The following CSMD1 variants were observed in gnomAD, a reference collection of about 807,000 sequenced individuals.
CSMD1 encodes the protein CUB and Sushi multiple domains 1, also known as CUB and sushi domain-containing protein 1.
In CSMD1, 213 loss-of-function variants were observed where a neutral mutation model predicts 417.5. That is an observed-to-expected ratio of 0.51 (90% CI 0.46 to 0.57). The LOEUF (loss-of-function observed/expected upper bound fraction) is 0.57, where lower values mean the gene tolerates loss of function less well. CSMD1 is among the 20% of genes least tolerant of loss of function. CSMD1 has a pLI of 0.00. For missense variants in CSMD1, 6,923 were observed against 4,529.7 expected, an observed-to-expected ratio of 1.53 and a Z score of -15.17; for synonymous variants, 2,862 against 1,736.8, an observed-to-expected ratio of 1.65 and a Z score of -16.11.
intron 10 of CSMD1, among the ~76,000 whole-genome samples, chr8:3,555,846 G>C (rs962362364): frequency 3.9e-5 from 6 of 152,106 alleles, no homozygotes; most frequent in African/African-American, 1.4e-4. Context: ...GTTTTTCTAT[G>C]AAATATACAT....
rs770803264 is a variant in CSMD1 at position 4,359,949 on chromosome 8, G to C, written c.415+60004C>G. Among the ~76,000 whole-genome samples the C allele has an allele frequency of 1.1e-3, 165 of 152,274 alleles. 1 individual carries two copies. The highest frequency in any genetic ancestry group is 6.8e-3 in the Middle Eastern group (2 of 294). On this transcript the variant is annotated intron_variant, in intron 3 of 69. Transcript: ENST00000635120. ...TCAGTGAAAGAATGCTTCCCTACTG[G>C]AGATCTTCCACATGGTTAGGATGCT...
intron 1 of CSMD1, among the ~76,000 whole-genome samples, chr8:4,904,100 G>A (rs1805078290): frequency 6.6e-6 from 1 of 152,206 alleles, no homozygotes; most frequent in East Asian, 1.9e-4. Context: ...GATAGGATAG[G>A]CTCGAATTCC....
At chr8:3,636,860 G>C (rs181479707) in intron 7 of CSMD1, among the ~76,000 whole-genome samples, 2 of 152,176 alleles carry the variant, frequency 1.3e-5, no homozygotes, top group Non-Finnish European at 2.9e-5. Flanking sequence ...CAAGACTCAT[G>C]TTGAGATATA....
intron 5 of CSMD1, among the ~76,000 whole-genome samples, chr8:3,956,695 C>G (rs1363219836): frequency 6.6e-6 from 1 of 152,028 alleles, no homozygotes; most frequent in East Asian, 1.9e-4. Context: ...GTGGCAGAAC[C>G]TATATTTGAA....
intron 47 of CSMD1, among the ~76,000 whole-genome samples, chr8:3,091,874 A>G (rs1001395229): frequency 1.4e-4 from 21 of 152,238 alleles, no homozygotes; most frequent in African/African-American, 4.8e-4. Flanking sequence ...TTTCAGGTGC[A>G]TATGCTATTA....
At chr8:4,239,931 C>G (rs1007764541) in intron 3 of CSMD1, among the ~76,000 whole-genome samples, 1 of 152,130 alleles carries the variant, frequency 6.6e-6, no homozygotes, top group Non-Finnish European at 1.5e-5. Context: ...ATTAGTAAGT[C>G]ATAACAAAAA....
At chr8:3,940,354 G>A (rs1311191601) in intron 5 of CSMD1, among the ~76,000 whole-genome samples, 2 of 151,954 alleles carry the variant, frequency 1.3e-5, no homozygotes, top group Non-Finnish European at 2.9e-5. Context: ...GTTAGCAATG[G>A]TGGGGGGAAA....
chr8:4,035,211 T>C (rs1256090353), intron 3 of CSMD1, among the ~76,000 whole-genome samples: 3 of 152,168 alleles, frequency 2.0e-5, no homozygotes, highest in Admixed American at 2.0e-4. Flanking sequence ...CCAGCTATGA[T>C]GCACGTGTCT....
intron 3 of CSMD1, among the ~76,000 whole-genome samples, chr8:4,285,610 C>T (rs920103345): frequency 3.3e-5 from 5 of 152,164 alleles, no homozygotes; most frequent in African/African-American, 1.2e-4. Flanking sequence ...ATTTGATTTC[C>T]TGAGCATTGC....
At chr8:4,056,927 G>T (rs991775711) in intron 3 of CSMD1, among the ~76,000 whole-genome samples, 18 of 152,096 alleles carry the variant, frequency 1.2e-4, no homozygotes, top group African/African-American at 3.9e-4. Context: ...TCTTAATCCA[G>T]TTTATCACTG....
At position 4,000,517 on chromosome 8, in the gene CSMD1, C is replaced by G. The variant is rs189953067; in HGVS notation, c.611-2407G>C. 3.3e-4 allele frequency among the ~76,000 whole-genome samples: 51 copies of G among 152,334 alleles called. No homozygotes were observed. In the Middle Eastern group the frequency reaches 0.017, roughly 51 times the overall value. ...TTGGGCAGAATTCAGCTCTAAGCCC[C>G]TTGTGTTGGGATAATGGTGAATCAG... On this transcript the variant is annotated intron_variant, in intron 4 of 69. Transcript: ENST00000635120.
At chr8:3,764,692 T>C (rs1359085771) in intron 5 of CSMD1, among the ~76,000 whole-genome samples, 1 of 151,820 alleles carries the variant, frequency 6.6e-6, no homozygotes, top group Non-Finnish European at 1.5e-5. Context: ...AGTAATCACC[T>C]GAAAATTCAT....
chr8:4,398,041 A>G (rs1448597090), intron 3 of CSMD1, among the ~76,000 whole-genome samples: 1 of 152,212 alleles, frequency 6.6e-6, no homozygotes, highest in Non-Finnish European at 1.5e-5. Context: ...CTAACTTGGT[A>G]TCTCTCTAGA....
intron 17 of CSMD1, among the ~76,000 whole-genome samples, chr8:3,389,248 C>T (rs1811201764): frequency 6.6e-6 from 1 of 152,186 alleles, no homozygotes; most frequent in Non-Finnish European, 1.5e-5. Context: ...AGTTGTTTTT[C>T]CCGATCCTCT....
intron 1 of CSMD1, among the ~76,000 whole-genome samples, chr8:4,779,548 A>G (rs1026391230): frequency 6.6e-6 from 1 of 152,204 alleles, no homozygotes; most frequent in Non-Finnish European, 1.5e-5. Flanking sequence ...AAGGGTTATA[A>G]ATGTCAAGAA....
At chr8:4,188,283 G>C (rs1231399262) in intron 3 of CSMD1, among the ~76,000 whole-genome samples, 1 of 152,166 alleles carries the variant, frequency 6.6e-6, no homozygotes, top group Non-Finnish European at 1.5e-5. Flanking sequence ...CTAGACGTCG[G>C]TCAATGTCCC....
intron 3 of CSMD1, among the ~76,000 whole-genome samples, chr8:4,291,486 C>A (rs1797361044): frequency 6.6e-6 from 1 of 152,032 alleles, no homozygotes; most frequent in Non-Finnish European, 1.5e-5. Flanking sequence ...TCTACTAATT[C>A]CCAGTGATTC....
chr8:4,076,159 C>T (rs1192287694), intron 3 of CSMD1, among the ~76,000 whole-genome samples: 1 of 152,178 alleles, frequency 6.6e-6, no homozygotes, highest in African/African-American at 2.4e-5. Context: ...CGTGTGGTTG[C>T]TCCATGGTGT....
intron 12 of CSMD1, among the ~76,000 whole-genome samples, chr8:3,433,461 T>G (rs941154007): frequency 2.0e-5 from 3 of 152,198 alleles, no homozygotes; most frequent in African/African-American, 7.2e-5. Context: ...TCTTTATTTG[T>G]GGTTGGTGTT....
Sources: allele counts gnomAD v4.1 joint callset (sites outside exome capture counted in the v4.1 genomes callset), GRCh38; gene constraint gnomAD v4.1.1; transcripts MANE v1.5; gene names NCBI Gene and HGNC (gene_info 2026-07-23, HGNC 2026-07-21).